The following CIROP variants were observed in gnomAD, a reference collection of about 807,000 sequenced individuals.
CIROP encodes ciliated left-right organizer metallopeptidase.
the CIROP span, chr14:23,102,882 C>A: frequency 2.3e-5 from 14 of 610,782 alleles, no homozygotes; most frequent in African/African-American, 3.7e-5. Context: ...GGCCCCCTAC[C>A]CTGCAACCTG....
At chr14:23,104,723 G>C in the CIROP span, 1 of 703,036 alleles carries the variant, frequency 1.4e-6, no homozygotes, top group Non-Finnish European at 2.6e-6. Flanking sequence ...CTAGATAGCA[G>C]CTTTGGATTC....
At chr14:23,103,833 A>G in the CIROP span, 2 of 701,314 alleles carry the variant, frequency 2.9e-6, no homozygotes, top group South Asian at 1.5e-5. Context: ...CAGGGAGTGA[A>G]ATGTTGCATT....
the CIROP span, chr14:23,104,545 C>G: frequency 1.6e-5 from 11 of 701,636 alleles, no homozygotes; most frequent in African/African-American, 1.7e-4. Context: ...GATCTTCCTC[C>G]CCTGGACCTC....
chr14:23,100,124 T>A, the CIROP span: 2 of 165,922 alleles, frequency 1.2e-5, no homozygotes, highest in Admixed American at 6.4e-5. Flanking sequence ...CATGGTGGTG[T>A]GCACCTGTAG....
chr14:23,102,246 G>T, the CIROP span: 14 of 702,980 alleles, frequency 2.0e-5, no homozygotes, highest in Non-Finnish European at 7.8e-6. Context: ...TGGCCTCCCA[G>T]TGCGAGGACA....
the CIROP span, chr14:23,100,582 G>A: frequency 2.5e-6 from 1 of 404,304 alleles, no homozygotes; most frequent in East Asian, 3.6e-5. Flanking sequence ...TCAGGGCCTT[G>A]TGCAGTGTAG....
At chr14:23,099,869 T>A in the CIROP span, 1 of 171,182 alleles carries the variant, frequency 5.8e-6, no homozygotes, top group Non-Finnish European at 1.4e-5. Context: ...GCATCTTATA[T>A]TATTGGAAGA....
chr14:23,099,239 G>T, the CIROP span: 1 of 413,380 alleles, frequency 2.4e-6, no homozygotes, highest in Admixed American at 4.4e-5. Context: ...TGTCTCACAA[G>T]AAATTATTCT....
the CIROP span, chr14:23,102,642 G>C: frequency 1.4e-6 from 1 of 702,932 alleles, no homozygotes; most frequent in Non-Finnish European, 2.6e-6. Flanking sequence ...TGAATCCTGA[G>C]GGGCAGTCTC....
At chr14:23,099,497 C>T in the CIROP span, 1 of 399,918 alleles carries the variant, frequency 2.5e-6, no homozygotes, top group Non-Finnish European at 4.6e-6. Context: ...AACCTAGGAA[C>T]ATAGAAGGTA....
At chr14:23,101,546 C>G in the CIROP span, 1 of 660,776 alleles carries the variant, frequency 1.5e-6, no homozygotes. Context: ...AATCCGTTTT[C>G]CTTCTTCCAG....
the CIROP span, chr14:23,103,281 G>GCT: frequency 1.3e-5 from 5 of 398,524 alleles, no homozygotes; most frequent in Admixed American, 1.7e-4. Context: ...GGGCATGGTG[G>GCT]CTCACGCCTG....
At chr14:23,101,505 C>G in the CIROP span, 1 of 619,678 alleles carries the variant, frequency 1.6e-6, no homozygotes, top group Non-Finnish European at 2.9e-6. Context: ...GATGGTAGAT[C>G]TCCCCATGGG....
At chr14:23,104,317 G>A in the CIROP span, 1 of 696,734 alleles carries the variant, frequency 1.4e-6, no homozygotes, top group Non-Finnish European at 2.6e-6. Flanking sequence ...AGATCTGTAG[G>A]TGAGCTGAGG....
chr14:23,104,481 T>C, the CIROP span: 1 of 702,906 alleles, frequency 1.4e-6, no homozygotes, highest in Non-Finnish European at 2.6e-6. Context: ...TGGAGGGACT[T>C]GATAAGAAGT....
At chr14:23,102,321 C>A in the CIROP span, 2 of 702,122 alleles carry the variant, frequency 2.8e-6, no homozygotes, top group Non-Finnish European at 5.2e-6. Flanking sequence ...TCTTCCATCA[C>A]CCCAAGGTGT....
the CIROP span, chr14:23,102,173 G>C: frequency 1.4e-6 from 1 of 702,952 alleles, no homozygotes; most frequent in Non-Finnish European, 2.6e-6. Flanking sequence ...AGGGTGATTG[G>C]GTCGAGTCGA....
chr14:23,104,889 AG>A, the CIROP span: 1 of 119,862 alleles, frequency 8.3e-6, no homozygotes, highest in Admixed American at 1.7e-4. Context: ...TAGTGGCGGC[AG>A]CAGCAGCAGC....
the CIROP span, chr14:23,099,646 G>A: frequency 1.6e-5 from 6 of 365,612 alleles, no homozygotes; most frequent in Non-Finnish European, 2.9e-5. Flanking sequence ...CGTAATCTCC[G>A]CCTCCCAGGC....
Sources: gnomAD v4.1 joint callset for allele counts on GRCh38, gnomAD v4.1.1 for gene constraint, MANE v1.5 for transcripts, NCBI Gene and HGNC (gene_info 2026-07-23, HGNC 2026-07-21) for gene names.